Variants in NELL2 observed in about 807,000 individuals in gnomAD.
NELL2 encodes protein kinase C-binding protein NELL2.
Under a neutral mutation model 109.6 loss-of-function variants are expected in NELL2, and 41 were observed. The observed-to-expected ratio is 0.37, with a 90% CI of 0.29 to 0.49. The LOEUF (loss-of-function observed/expected upper bound fraction) is 0.49. NELL2 is among the 20% of genes least tolerant of loss of function. The probability of loss-of-function intolerance (pLI) is 0.98; values close to 1 mark genes in which losing one functional copy is unlikely to be tolerated. For missense variants in NELL2, 900 were observed against 1,008.3 expected, an observed-to-expected ratio of 0.89 and a Z score of 1.45; for synonymous variants, 355 against 344.7, an observed-to-expected ratio of 1.03 and a Z score of -0.33.
At chr12:44,759,235 C>T (rs1461728620) in intron 9 of NELL2, among the ~76,000 whole-genome samples, 1 of 152,166 alleles carries the variant, frequency 6.6e-6, no homozygotes, top group Non-Finnish European at 1.5e-5. Context: ...GTAGAAAAGG[C>T]TACAAGTTTT....
intron 1 of NELL2, among the ~76,000 whole-genome samples, chr12:44,886,259 T>C (rs1224926929): frequency 1.8e-4 from 28 of 151,934 alleles, no homozygotes; most frequent in Non-Finnish European, 1.0e-4. Context: ...ATAAAATTGT[T>C]GTGACTTGGG....
At chr12:44,518,716 G>C (rs1162456648) in intron 19 of NELL2, among the ~76,000 whole-genome samples, 1 of 152,126 alleles carries the variant, frequency 6.6e-6, no homozygotes, top group East Asian at 1.9e-4. Context: ...AAGATTAAGG[G>C]TGTAAGAGGA....
intron 13 of NELL2, among the ~76,000 whole-genome samples, chr12:44,642,777 G>T (rs999126152): frequency 6.6e-6 from 1 of 152,174 alleles, no homozygotes; most frequent in Non-Finnish European, 1.5e-5. Context: ...AGCTACTTGG[G>T]AGGCTGAGGC....
intron 15 of NELL2, among the ~76,000 whole-genome samples, chr12:44,566,925 C>T (rs1352794791): frequency 2.0e-5 from 3 of 152,152 alleles, no homozygotes; most frequent in South Asian, 4.2e-4. Context: ...GATTCTCCTG[C>T]CTCAGGCTCC....
chr12:44,718,047 G>A (rs1349791114), intron 9 of NELL2, among the ~76,000 whole-genome samples: 1 of 152,190 alleles, frequency 6.6e-6, no homozygotes, highest in Admixed American at 6.5e-5. Context: ...GCATGAGAGA[G>A]CGGAACACAG....
intron 15 of NELL2, among the ~76,000 whole-genome samples, chr12:44,603,101 C>T (rs1421819482): frequency 1.3e-5 from 2 of 152,088 alleles, no homozygotes; most frequent in Admixed American, 6.6e-5. Flanking sequence ...GCTACAAAAA[C>T]ACTTAGGGGT....
At chr12:44,726,312 G>T (rs1939078227) in intron 9 of NELL2, among the ~76,000 whole-genome samples, 4 of 152,066 alleles carry the variant, frequency 2.6e-5, no homozygotes, top group Admixed American at 2.6e-4. Flanking sequence ...TCCTTCAAAC[G>T]ACTTCATGAG....
chr12:44,870,946 T>C (rs1945143609), intron 2 of NELL2, among the ~76,000 whole-genome samples: 1 of 152,214 alleles, frequency 6.6e-6, no homozygotes, highest in East Asian at 1.9e-4. Flanking sequence ...TCCATAATGA[T>C]AAATTTTCAA....
chr12:44,804,096 G>C (rs1258362413), intron 3 of NELL2, among the ~76,000 whole-genome samples: 1 of 151,698 alleles, frequency 6.6e-6, no homozygotes, highest in Non-Finnish European at 1.5e-5. Flanking sequence ...GAATTAAATG[G>C]GTTTAAGCTG....
chr12:44,869,830 T>C (rs150272575), intron 2 of NELL2, among the ~76,000 whole-genome samples: 3 of 152,320 alleles, frequency 2.0e-5, no homozygotes, highest in African/African-American at 7.2e-5. Flanking sequence ...TTTTAACATG[T>C]TTTGGAATCT....
chr12:44,725,830 C>T (rs995242004), intron 9 of NELL2, among the ~76,000 whole-genome samples: 2 of 152,054 alleles, frequency 1.3e-5, no homozygotes, highest in African/African-American at 4.8e-5. Flanking sequence ...AAGGAAACAG[C>T]AGACACTGTG....
chr12:44,742,029 C>T (rs892090092), intron 9 of NELL2, among the ~76,000 whole-genome samples: 4 of 152,188 alleles, frequency 2.6e-5, no homozygotes, highest in South Asian at 2.1e-4. Context: ...GGGTCCCTGA[C>T]CTCCAAGTAG....
At chr12:44,687,957 A>G (rs974240550) in intron 12 of NELL2, among the ~76,000 whole-genome samples, 2 of 152,202 alleles carry the variant, frequency 1.3e-5, no homozygotes, top group Non-Finnish European at 2.9e-5. Flanking sequence ...ACCTGCAACT[A>G]ATTTGTTTAA....
chr12:44,761,560 A>T (rs539812031), intron 9 of NELL2, among the ~76,000 whole-genome samples: 19 of 151,462 alleles, frequency 1.3e-4, no homozygotes, highest in Non-Finnish European at 2.1e-4. Flanking sequence ...TTATTATAGT[A>T]TATTAAAATA....
At chr12:44,869,469 C>T (rs1945101999) in intron 2 of NELL2, among the ~76,000 whole-genome samples, 1 of 152,152 alleles carries the variant, frequency 6.6e-6, no homozygotes, top group Non-Finnish European at 1.5e-5. Flanking sequence ...TTTTGGGGAT[C>T]CAACACCTTC....
chr12:44,686,592 T>C (rs369706719), intron 12 of NELL2, among the ~76,000 whole-genome samples: 2,653 of 149,268 alleles, frequency 0.018, 74 homozygotes, highest in African/African-American at 0.063. Context: ...GATAGGTTTT[T>C]GGTGTGGATG....
At chr12:44,603,825 A>C (rs1945304281) in intron 15 of NELL2, among the ~76,000 whole-genome samples, 1 of 152,182 alleles carries the variant, frequency 6.6e-6, no homozygotes, top group Non-Finnish European at 1.5e-5. Flanking sequence ...CTAAAGGAAC[A>C]AGGGGTGGTA....
intron 13 of NELL2, among the ~76,000 whole-genome samples, chr12:44,643,387 T>C (rs140153579): frequency 4.3e-4 from 65 of 152,286 alleles, no homozygotes; most frequent in African/African-American, 1.5e-3. Context: ...TTAAAAAACA[T>C]TATGATAGTA....
At chr12:44,802,818 T>C (rs1228043345) in intron 3 of NELL2, among the ~76,000 whole-genome samples, 2 of 152,054 alleles carry the variant, frequency 1.3e-5, no homozygotes, top group African/African-American at 4.8e-5. Flanking sequence ...AATTTTATCA[T>C]TTTATCCATG....
Sources: gnomAD v4.1 joint callset for allele counts (sites outside exome capture counted in the v4.1 genomes callset) on GRCh38, gnomAD v4.1.1 for gene constraint, MANE v1.5 for transcripts, NCBI Gene and HGNC (gene_info 2026-07-23, HGNC 2026-07-21) for gene names.